The following MCPH1 variants were observed in gnomAD, a reference collection of about 807,000 sequenced individuals.
MCPH1 encodes microcephalin.
Under a neutral mutation model 84.5 loss-of-function variants are expected in MCPH1, and 104 were observed. The ratio of observed to expected loss-of-function variants is 1.23; its 90% CI spans 1.05 to 1.45. The LOEUF (loss-of-function observed/expected upper bound fraction) is 1.45. Ranked by LOEUF, MCPH1 falls within the 40% of genes most tolerant of loss-of-function variation. The pLI, the probability that MCPH1 is intolerant of heterozygous loss-of-function variation, is 0.00. For synonymous variants in MCPH1, 514 were observed against 366.8 expected (o/e 1.40, Z -4.58); for missense variants, 1,498 against 1,005.7 (o/e 1.49, Z -6.62).
chr8:6,454,659 A>C (rs570241578), intron 8 of MCPH1, among the ~76,000 whole-genome samples: 24 of 152,288 alleles, frequency 1.6e-4, no homozygotes, highest in African/African-American at 5.5e-4. Flanking sequence ...TAAGGTGGAA[A>C]CTTGGGGGGA....
At chr8:6,556,582 C>G (rs753114924) in intron 12 of MCPH1, among the ~76,000 whole-genome samples, 3 of 152,038 alleles carry the variant, frequency 2.0e-5, no homozygotes, top group Non-Finnish European at 1.5e-5. Context: ...AGCATAGTGT[C>G]CCCCTGGGGC....
At chr8:6,508,475 T>C in intron 12 of MCPH1, 1 of 185,008 alleles carries the variant, frequency 5.4e-6, no homozygotes, top group African/African-American at 2.4e-5. Flanking sequence ...ACTGTGTCTG[T>C]AAATAAATAA....
At chr8:6,486,338 C>T (rs982879595) in intron 11 of MCPH1, among the ~76,000 whole-genome samples, 2 of 151,642 alleles carry the variant, frequency 1.3e-5, no homozygotes, top group Admixed American at 6.6e-5. Flanking sequence ...TCCTTCTAAC[C>T]CTGTCTCCAA....
intron 12 of MCPH1, among the ~76,000 whole-genome samples, chr8:6,590,415 T>G (rs1363437746): frequency 4.0e-5 from 5 of 125,958 alleles, no homozygotes; most frequent in African/African-American, 3.0e-5. Flanking sequence ...AACTACACCA[T>G]GAACAAAAAG....
intron 9 of MCPH1, among the ~76,000 whole-genome samples, chr8:6,476,293 G>T (rs548415007): frequency 1.3e-5 from 2 of 152,100 alleles, no homozygotes; most frequent in East Asian, 1.9e-4. Context: ...GCTCGGTATG[G>T]TAGTGGGCGC....
intron 12 of MCPH1, chr8:6,562,768 G>T: frequency 1.2e-6 from 2 of 1,613,930 alleles, no homozygotes; most frequent in Non-Finnish European, 8.5e-7. Context: ...GGGGCTGGAG[G>T]AAGAGCGGCA....
intron 3 of MCPH1, among the ~76,000 whole-genome samples, chr8:6,419,886 C>T (rs1403274098): frequency 6.6e-6 from 1 of 152,006 alleles, no homozygotes; most frequent in Non-Finnish European, 1.5e-5. Context: ...GGGTTTTCCT[C>T]AGCTGAAATG....
chr8:6,460,193 C>T (rs146247769), intron 9 of MCPH1, among the ~76,000 whole-genome samples: 4 of 152,040 alleles, frequency 2.6e-5, no homozygotes, highest in African/African-American at 4.8e-5. Flanking sequence ...TCCTTTGCTT[C>T]TATAGCCCAT....
intron 12 of MCPH1, among the ~76,000 whole-genome samples, chr8:6,505,228 T>G (rs1813093409): frequency 2.2e-5 from 1 of 44,486 alleles, no homozygotes; most frequent in African/African-American, 1.4e-4. Flanking sequence ...TATATTCTTA[T>G]GTATATATAG....
At chr8:6,409,096 C>T (rs947490340) in intron 1 of MCPH1, among the ~76,000 whole-genome samples, 183 bp from the exon 2 acceptor site, 4 of 151,794 alleles carry the variant, frequency 2.6e-5, no homozygotes, top group South Asian at 2.1e-4. Context: ...CATGTTGGCC[C>T]GGCTGGTCTC....
intron 12 of MCPH1, among the ~76,000 whole-genome samples, chr8:6,537,344 G>A (rs985231750): frequency 2.6e-5 from 4 of 152,050 alleles, no homozygotes; most frequent in Admixed American, 6.6e-5. Context: ...GCAAAGTGTG[G>A]GGCCTTGGGC....
chr8:6,439,206 A>C (rs1052709682), intron 6 of MCPH1, 110 bp downstream of exon 6: 14 of 1,083,244 alleles, frequency 1.3e-5, no homozygotes, highest in East Asian at 2.6e-5. Context: ...GTAGTAACAC[A>C]TTTTGACTTA....
intron 9 of MCPH1, among the ~76,000 whole-genome samples, chr8:6,465,263 G>A (rs772514445): frequency 3.3e-5 from 5 of 152,156 alleles, no homozygotes; most frequent in Non-Finnish European, 7.4e-5. Flanking sequence ...TTAAAAGGGA[G>A]TAAAGGGACT....
intron 8 of MCPH1, among the ~76,000 whole-genome samples, chr8:6,450,846 G>A (rs1805005061): frequency 6.6e-6 from 1 of 152,028 alleles, no homozygotes; most frequent in Non-Finnish European, 1.5e-5. Flanking sequence ...GGGCTCAAGT[G>A]ATCCTCCCAC....
At chr8:6,479,231 C>T (rs552526577) in intron 10 of MCPH1, among the ~76,000 whole-genome samples, 3 of 151,934 alleles carry the variant, frequency 2.0e-5, no homozygotes, top group South Asian at 4.2e-4. Flanking sequence ...TGTACCACTG[C>T]ACTCCAGCCT....
intron 2 of MCPH1, among the ~76,000 whole-genome samples, chr8:6,411,946 G>A (rs760243941): frequency 1.3e-5 from 2 of 152,094 alleles, no homozygotes; most frequent in Non-Finnish European, 2.9e-5. Context: ...CATTTGGGAG[G>A]GGCTGACTGA....
At chr8:6,514,325 G>C (rs1457431258) in intron 12 of MCPH1, among the ~76,000 whole-genome samples, 1 of 152,120 alleles carries the variant, frequency 6.6e-6, no homozygotes, top group Non-Finnish European at 1.5e-5. Flanking sequence ...GAGTAGCTGG[G>C]ATTACAGGTG....
At chr8:6,568,473 C>G (rs1826398572) in intron 12 of MCPH1, among the ~76,000 whole-genome samples, 1 of 152,200 alleles carries the variant, frequency 6.6e-6, no homozygotes, top group South Asian at 2.1e-4. Context: ...CTTGTGGGCC[C>G]CGTGACCCCT....
chr8:6,594,924 C>T (rs1226358269), intron 12 of MCPH1, among the ~76,000 whole-genome samples: 1 of 152,154 alleles, frequency 6.6e-6, no homozygotes, highest in Non-Finnish European at 1.5e-5. Context: ...TTCAGGGGCT[C>T]CATAATGGTT....
Sources: gnomAD v4.1 joint callset for allele counts (sites outside exome capture counted in the v4.1 genomes callset) on GRCh38, gnomAD v4.1.1 for gene constraint, MANE v1.5 for transcripts, NCBI Gene and HGNC (gene_info 2026-07-23, HGNC 2026-07-21) for gene names.